Variants in EYS observed in about 807,000 individuals in gnomAD.
The protein encoded by EYS is protein eyes shut homolog.
Under a neutral mutation model 282.1 loss-of-function variants are expected in EYS, and 250 were observed. That is an observed-to-expected ratio of 0.89 (90% CI 0.80 to 0.98). The LOEUF (loss-of-function observed/expected upper bound fraction) is 0.98, where lower values mean the gene tolerates loss of function less well. EYS is among the 50% of genes least tolerant of loss of function. EYS has a pLI of 0.00. For missense variants in EYS, 4,016 were observed against 3,709.0 expected (o/e 1.08, Z -2.15); for synonymous variants, 1,355 against 1,282.9 (o/e 1.06, Z -1.20).
chr6:65,351,829 T>A (rs928442181), intron 9 of EYS, among the ~76,000 whole-genome samples: 1 of 151,818 alleles, frequency 6.6e-6, no homozygotes, highest in African/African-American at 2.4e-5. Flanking sequence ...TTGATTGTTC[T>A]GTAATGAGAG....
At chr6:63,882,114 T>G (rs1348268180) in intron 35 of EYS, among the ~76,000 whole-genome samples, 1 of 152,206 alleles carries the variant, frequency 6.6e-6, no homozygotes, top group South Asian at 2.1e-4. Flanking sequence ...TATCTCTTTC[T>G]GAAAAGAACA....
intron 19 of EYS, among the ~76,000 whole-genome samples, chr6:64,862,664 A>G (rs998830174): frequency 6.6e-6 from 1 of 152,068 alleles, no homozygotes; most frequent in South Asian, 2.1e-4. Flanking sequence ...GCAATGGCTG[A>G]GGTTTTTAAA....
intron 41 of EYS, among the ~76,000 whole-genome samples, chr6:63,755,431 G>T (rs1033830142): frequency 6.6e-6 from 1 of 152,174 alleles, no homozygotes; most frequent in Non-Finnish European, 1.5e-5. Flanking sequence ...TCAAAGATCA[G>T]ATGGCTGTAG....
intron 5 of EYS, among the ~76,000 whole-genome samples, chr6:65,427,787 A>G (rs1400632998): frequency 6.6e-6 from 1 of 152,096 alleles, no homozygotes; most frequent in Non-Finnish European, 1.5e-5. Flanking sequence ...TCAAAATAGT[A>G]TAAAATGCAA....
At chr6:64,739,152 C>T (rs573593625) in intron 22 of EYS, among the ~76,000 whole-genome samples, 2 of 152,302 alleles carry the variant, frequency 1.3e-5, no homozygotes, top group African/African-American at 4.8e-5. Flanking sequence ...TACTCTTTTT[C>T]ATCATACAAG....
chr6:65,176,940 T>C (rs536046054), intron 12 of EYS, among the ~76,000 whole-genome samples: 1 of 151,822 alleles, frequency 6.6e-6, no homozygotes, highest in Non-Finnish European at 1.5e-5. Context: ...TATATGTTTT[T>C]CATATGTCAG....
At chr6:63,831,047 A>C (rs990827787) in intron 36 of EYS, among the ~76,000 whole-genome samples, 1 of 152,248 alleles carries the variant, frequency 6.6e-6, no homozygotes, top group Admixed American at 6.5e-5. Context: ...GGCCTGCCTT[A>C]CAAGAGCTCC....
rs970120500 is a variant in EYS at position 64,871,310 on chromosome 6, T to C, written c.2992+15387A>G. Among the ~76,000 whole-genome samples the C allele has an allele frequency of 2.7e-5, 4 of 149,604 alleles. No homozygotes were observed. In the Admixed American group the frequency reaches 2.7e-4, roughly 10 times the overall value. ...TAAACTTTTTTTCTGCTAGGTTTTC[T>C]CACAGTTGCTTCTCAAAAAAAAAAA... On this transcript the variant is annotated intron_variant, in intron 19 of 42. Coordinates refer to ENST00000503581, the MANE Select transcript of EYS (RefSeq NM_001142800.2).
intron 5 of EYS, among the ~76,000 whole-genome samples, chr6:65,409,338 T>C (rs1766884173): frequency 6.6e-6 from 1 of 152,182 alleles, no homozygotes; most frequent in African/African-American, 2.4e-5. Flanking sequence ...GTATAGAACT[T>C]GGATCAGCAG....
At chr6:65,218,501 A>T (rs191010030) in intron 12 of EYS, among the ~76,000 whole-genome samples, 1 of 152,230 alleles carries the variant, frequency 6.6e-6, no homozygotes, top group Non-Finnish European at 1.5e-5. Context: ...AGTAGAGATG[A>T]CAATGTACCA....
Position 64,668,355 on chromosome 6 carries a change from A to T in EYS, c.3444-42110T>A, listed in dbSNP as rs544878544. ...CAGAAAAGTGCGAATTACCTTCAAAATATACTTCACAAAAAGGTCCCCTGC... is the reference window on the plus strand; with the variant it reads ...CAGAAAAGTGCGAATTACCTTCAAATTATACTTCACAAAAAGGTCCCCTGC... On this transcript the variant is annotated intron_variant, in intron 22 of 42. Transcript: ENST00000503581. Among the ~76,000 whole-genome samples the T allele has an allele frequency of 1.1e-4, 16 of 152,234 alleles. No homozygotes were observed. In the East Asian group the frequency reaches 3.1e-3, roughly 29 times the overall value.
intron 22 of EYS, among the ~76,000 whole-genome samples, chr6:64,649,187 C>A (rs570191110): frequency 7.2e-5 from 11 of 152,260 alleles, no homozygotes; most frequent in African/African-American, 2.4e-4. Flanking sequence ...TGAAAAAAGA[C>A]ACTTTACCAT....
chr6:64,070,943 T>C (rs1405649575), intron 32 of EYS, among the ~76,000 whole-genome samples: 1 of 152,038 alleles, frequency 6.6e-6, no homozygotes, highest in Non-Finnish European at 1.5e-5. Flanking sequence ...TTCTGGACAC[T>C]TGAAACTCCT....
chr6:63,826,845 C>CAAAAAAAAAAAAAAAAAAAAAG (rs59957107), intron 36 of EYS, among the ~76,000 whole-genome samples: 2 of 76,762 alleles, frequency 2.6e-5, no homozygotes, highest in Non-Finnish European at 5.0e-5. Context: ...AGTTAAAAAG[C>CAAAAAAAAAAAAAAAAAAAAAG]AAAAAAAAAA....
intron 12 of EYS, among the ~76,000 whole-genome samples, chr6:65,243,416 G>C (rs567295411): frequency 1.3e-5 from 2 of 152,104 alleles, no homozygotes; most frequent in African/African-American, 2.4e-5. Flanking sequence ...ATAGGAGTTG[G>C]GGGGTGAAGG....
chr6:63,831,744 C>A (rs563059162), intron 36 of EYS, among the ~76,000 whole-genome samples: 1 of 152,256 alleles, frequency 6.6e-6, no homozygotes, highest in East Asian at 1.9e-4. Context: ...ACTCTCCACC[C>A]CAAATCAACA....
At chr6:65,182,737 A>G (rs903768298) in intron 12 of EYS, among the ~76,000 whole-genome samples, 7 of 151,812 alleles carry the variant, frequency 4.6e-5, no homozygotes, top group African/African-American at 1.7e-4. Flanking sequence ...TATACTTTGT[A>G]AGGAATTGGA....
intron 2 of EYS, among the ~76,000 whole-genome samples, chr6:65,548,633 C>G (rs1768480492): frequency 6.6e-6 from 1 of 152,178 alleles, no homozygotes; most frequent in Non-Finnish European, 1.5e-5. Flanking sequence ...ATCTCCACCT[C>G]TTCTCTATGA....
chr6:65,510,942 G>A (rs1184420197), intron 2 of EYS, among the ~76,000 whole-genome samples: 1 of 152,158 alleles, frequency 6.6e-6, no homozygotes, highest in African/African-American at 2.4e-5. Context: ...TTTTGAGGCT[G>A]AACTTCAAAA....
Sources: allele counts gnomAD v4.1 joint callset (sites outside exome capture counted in the v4.1 genomes callset), GRCh38; gene constraint gnomAD v4.1.1; transcripts MANE v1.5; gene names NCBI Gene and HGNC (gene_info 2026-07-23, HGNC 2026-07-21).